Variants in CAMK1D observed in about 807,000 individuals in gnomAD.
CAMK1D encodes the protein calcium/calmodulin-dependent protein kinase type 1D.
A neutral mutation model predicts 47.7 loss-of-function variants in CAMK1D; 9 were observed. The ratio of observed to expected loss-of-function variants is 0.19; its 90% confidence interval spans 0.11 to 0.33. The LOEUF (loss-of-function observed/expected upper bound fraction) is 0.33, where lower values mean the gene tolerates loss of function less well. CAMK1D is among the 10% of genes least tolerant of loss of function. The pLI is 1.00. For synonymous variants in CAMK1D, 184 were observed against 184.9 expected (o/e 0.99, Z 0.04); for missense variants, 291 against 488.7 (o/e 0.60, Z 3.81).
chr10:12,698,661 G>A (rs948755378), intron 3 of CAMK1D, among the ~76,000 whole-genome samples: 1 of 135,414 alleles, frequency 7.4e-6, no homozygotes, highest in East Asian at 2.2e-4. Flanking sequence ...GAAAAATGAT[G>A]CCCTTTAAAG....
chr10:12,530,728 G>A (rs1307802997), intron 1 of CAMK1D, among the ~76,000 whole-genome samples: 1 of 152,046 alleles, frequency 6.6e-6, no homozygotes, highest in Non-Finnish European at 1.5e-5. Flanking sequence ...CTTCCTTTCT[G>A]TTCCATCATT....
chr10:12,791,989 C>T (rs1368925544), intron 6 of CAMK1D, among the ~76,000 whole-genome samples: 7 of 152,172 alleles, frequency 4.6e-5, no homozygotes, highest in Admixed American at 2.0e-4. Context: ...TTGCCATTTT[C>T]CTTTTTTTCA....
At chr10:12,560,413 C>A (rs1836898801) in intron 2 of CAMK1D, among the ~76,000 whole-genome samples, 1 of 151,818 alleles carries the variant, frequency 6.6e-6, no homozygotes, top group African/African-American at 2.4e-5. Context: ...ATTAGTCGGG[C>A]ATGGTGGTGG....
At chr10:12,781,496 C>T (rs1837490402) in intron 5 of CAMK1D, among the ~76,000 whole-genome samples, 1 of 151,938 alleles carries the variant, frequency 6.6e-6, no homozygotes, top group Non-Finnish European at 1.5e-5. Context: ...CCTCACTCCT[C>T]CATGATTGGC....
At chr10:12,505,011 ACT>A (rs143816204) in intron 1 of CAMK1D, among the ~76,000 whole-genome samples, 21,613 of 151,892 alleles carry the variant, frequency 0.14, 1,567 homozygotes, top group Non-Finnish European at 0.16. Context: ...GCTGCCACTG[ACT>A]CTCGCTTCTA....
At chr10:12,774,541 G>A (rs1226143543) in intron 5 of CAMK1D, among the ~76,000 whole-genome samples, 2 of 152,196 alleles carry the variant, frequency 1.3e-5, no homozygotes, top group Admixed American at 1.3e-4. Flanking sequence ...GCTTCTACTC[G>A]GTGATAGGAT....
In CAMK1D at chr10:12,349,731, T is replaced by C; in HGVS notation, c.-88T>C. The C allele has an allele frequency of 3.1e-6, 1 of 319,112 alleles. No individual in the cohort carries two copies. Among genetic ancestry groups the C allele is most frequent in the Non-Finnish European group, 4.8e-6 (1 of 209,068 alleles). 19.8% of individuals were successfully genotyped at this position (319,112 alleles called of 1,614,324 possible). A position where few individuals can be genotyped will look rare whatever the true frequency, so the allele number is the denominator to read the frequency against. ...GCGCCGCAGCCCGAGCCGCCCGGCATCCCCGCCGCCTCTGCGCCCGCGCCG... is the reference window on the plus strand; with the variant it reads ...GCGCCGCAGCCCGAGCCGCCCGGCACCCCCGCCGCCTCTGCGCCCGCGCCG... On this transcript the variant is annotated 5_prime_UTR_variant, in exon 1 of 11. Coordinates refer to ENST00000619168, the MANE Select transcript of CAMK1D (RefSeq NM_153498.4).
chr10:12,811,681 A>T (rs574571442), intron 6 of CAMK1D, among the ~76,000 whole-genome samples: 1 of 152,218 alleles, frequency 6.6e-6, no homozygotes, highest in East Asian at 1.9e-4. Context: ...TTCTTAAAGA[A>T]TTTTTTCCTT....
intron 1 of CAMK1D, among the ~76,000 whole-genome samples, chr10:12,525,243 C>G (rs1394470465): frequency 6.6e-6 from 1 of 152,186 alleles, no homozygotes; most frequent in Non-Finnish European, 1.5e-5. Flanking sequence ...ATTTGATGAA[C>G]TTCTGTAATC....
chr10:12,666,234 T>C (rs1840426687), intron 2 of CAMK1D, among the ~76,000 whole-genome samples: 1 of 151,980 alleles, frequency 6.6e-6, no homozygotes, highest in African/African-American at 2.4e-5. Context: ...TTCCTTACAC[T>C]GGACCCATGG....
intron 2 of CAMK1D, among the ~76,000 whole-genome samples, chr10:12,611,791 C>T (rs1278651909): frequency 6.6e-6 from 1 of 151,896 alleles, no homozygotes; most frequent in African/African-American, 2.4e-5. Flanking sequence ...TAGGGTTTCA[C>T]CGTGTTGGCC....
intron 3 of CAMK1D, among the ~76,000 whole-genome samples, chr10:12,691,104 C>T (rs1022457996): frequency 2.6e-5 from 4 of 151,946 alleles, no homozygotes; most frequent in Admixed American, 1.3e-4. Context: ...ATCCCTGAAA[C>T]GGCAAAGAGG....
intron 1 of CAMK1D, among the ~76,000 whole-genome samples, chr10:12,444,283 A>G (rs1164238822): frequency 6.6e-6 from 1 of 152,166 alleles, no homozygotes; most frequent in Non-Finnish European, 1.5e-5. Flanking sequence ...CCCAGCTCCT[A>G]TTCAAGATGG....
chr10:12,573,831 C>CTTTTTTTT (rs34038018), intron 2 of CAMK1D, among the ~76,000 whole-genome samples: 2,198 of 64,076 alleles, frequency 0.034, 205 homozygotes, highest in Middle Eastern at 0.12. Context: ...ATTAAAAAAA[C>CTTTTTTTT]TTTTTTTTTT....
At chr10:12,821,653 C>T (rs978526677) in intron 8 of CAMK1D, among the ~76,000 whole-genome samples, 1 of 152,220 alleles carries the variant, frequency 6.6e-6, no homozygotes, top group African/African-American at 2.4e-5. Context: ...TACGTAAATG[C>T]TATCTGCATT....
At chr10:12,665,135 C>A (rs114786452) in intron 2 of CAMK1D, among the ~76,000 whole-genome samples, 1,768 of 152,234 alleles carry the variant, frequency 0.012, 24 homozygotes, top group African/African-American at 0.04. Context: ...CACGTAGAAA[C>A]TATGGCTGAC....
intron 2 of CAMK1D, among the ~76,000 whole-genome samples, chr10:12,656,573 C>G (rs536514076): frequency 2.6e-5 from 4 of 152,246 alleles, no homozygotes; most frequent in Non-Finnish European, 5.9e-5. Context: ...TATAAGGATT[C>G]AAGGAAAAAC....
chr10:12,523,960 C>T (rs1365493033), intron 1 of CAMK1D, among the ~76,000 whole-genome samples: 3 of 152,004 alleles, frequency 2.0e-5, no homozygotes, highest in Admixed American at 1.3e-4. Context: ...GGCGCGATCT[C>T]GGCTCACTGC....
At chr10:12,505,892 A>G (rs1834856013) in intron 1 of CAMK1D, among the ~76,000 whole-genome samples, 1 of 152,090 alleles carries the variant, frequency 6.6e-6, no homozygotes. Context: ...CCCTTGTTCC[A>G]GTCCTCCGCA....
Sources: allele counts gnomAD v4.1 joint callset (sites outside exome capture counted in the v4.1 genomes callset), GRCh38; gene constraint gnomAD v4.1.1; transcripts MANE v1.5; gene names NCBI Gene and HGNC (gene_info 2026-07-23, HGNC 2026-07-21).